The following CSMD1 variants were observed in gnomAD, a reference collection of about 807,000 sequenced individuals.
CSMD1 encodes the protein CUB and sushi domain-containing protein 1.
CSMD1 carries 213 observed loss-of-function variants against 417.5 expected under a neutral mutation model. That is an observed-to-expected ratio of 0.51 (90% CI 0.46 to 0.57). CSMD1 has a LOEUF of 0.57. CSMD1 is among the 20% of genes least tolerant of loss of function. The pLI is 0.00. For synonymous variants in CSMD1, 2,862 were observed against 1,736.8 expected (o/e 1.65, Z -16.11); for missense variants, 6,923 against 4,529.7 (o/e 1.53, Z -15.17).
chr8:3,622,253 T>G (rs1213119971), intron 7 of CSMD1, among the ~76,000 whole-genome samples: 1 of 152,194 alleles, frequency 6.6e-6, no homozygotes, highest in African/African-American at 2.4e-5. Context: ...GCTGGATGTC[T>G]TCTATACTAC....
At chr8:3,637,299 T>C (rs1797098989) in intron 7 of CSMD1, among the ~76,000 whole-genome samples, 3 of 152,188 alleles carry the variant, frequency 2.0e-5, no homozygotes, top group Admixed American at 2.0e-4. Flanking sequence ...CTTGGGGGAG[T>C]TTCATAAACA....
intron 1 of CSMD1, among the ~76,000 whole-genome samples, chr8:4,912,738 T>A (rs1437976930): frequency 1.3e-5 from 2 of 152,170 alleles, no homozygotes; most frequent in African/African-American, 4.8e-5. Flanking sequence ...TTTCTATTAG[T>A]TTGAAATTTT....
At chr8:3,344,334 C>T (rs1471761268) in intron 22 of CSMD1, among the ~76,000 whole-genome samples, 1 of 152,146 alleles carries the variant, frequency 6.6e-6, no homozygotes, top group Non-Finnish European at 1.5e-5. Flanking sequence ...AGGACAAATA[C>T]CTAATGCATG....
chr8:4,169,371 T>A (rs1457396117), intron 3 of CSMD1, among the ~76,000 whole-genome samples: 1 of 152,102 alleles, frequency 6.6e-6, no homozygotes, highest in East Asian at 1.9e-4. Flanking sequence ...CGTTTTCCAC[T>A]TCCTCAGGCC....
intron 3 of CSMD1, among the ~76,000 whole-genome samples, chr8:4,248,167 G>C (rs917346220): frequency 3.9e-5 from 6 of 151,984 alleles, no homozygotes; most frequent in African/African-American, 1.5e-4. Flanking sequence ...AAATTGCTTT[G>C]AAACTTGAAG....
At chr8:4,772,898 A>G (rs1174044798) in intron 1 of CSMD1, among the ~76,000 whole-genome samples, 4 of 152,182 alleles carry the variant, frequency 2.6e-5, no homozygotes, top group African/African-American at 9.7e-5. Context: ...ATGATGAATA[A>G]CGTAAGAAAT....
At chr8:4,377,506 A>T (rs1802832037) in intron 3 of CSMD1, among the ~76,000 whole-genome samples, 1 of 152,216 alleles carries the variant, frequency 6.6e-6, no homozygotes, top group South Asian at 2.1e-4. Context: ...TTCTCCAAAG[A>T]TCACTTTTGG....
At chr8:2,994,142 T>A (rs1196212564) in intron 54 of CSMD1, among the ~76,000 whole-genome samples, 2 of 19,432 alleles carry the variant, frequency 1.0e-4, no homozygotes, top group East Asian at 1.5e-3. Context: ...CAAAACTCCA[T>A]CTCAAAAAAA....
At chr8:3,468,964 C>A (rs759491790) in intron 11 of CSMD1, 140 bp from the exon 12 acceptor site, 7 of 559,894 alleles carry the variant, frequency 1.3e-5, no homozygotes, top group East Asian at 3.0e-5. Context: ...GACTGTACAG[C>A]CTCTGGTCCA....
chr8:4,456,296 A>G lies in CSMD1; in HGVS notation c.303-36231T>C, dbSNP rs139839441. Among the ~76,000 whole-genome samples the G allele has an allele frequency of 2.1e-4, 32 of 152,296 alleles. No homozygotes were observed. The East Asian group carries it at 6.2e-3, about 29-fold the overall frequency. On this transcript the variant is annotated intron_variant, in intron 2 of 69. Transcript: ENST00000635120. ...AAGTGAGATCTAAAAGCTGAAGACA[A>G]TTTGTAATAAAGACAGCAGTAATAA...
At position 2,959,890 on chromosome 8, in the gene CSMD1, C is replaced by T. The variant is rs1004896281; in HGVS notation, c.9702+1251G>A. 2.6e-5 allele frequency among the ~76,000 whole-genome samples: 4 copies of T among 152,278 alleles called. No individual in the cohort carries two copies. The East Asian group carries it at 7.7e-4, about 29-fold the overall frequency. ...CTCCTTAAAACATGGTGTCTGGGCTCTTTAAATTATTAGTAAATCTTGCTG... is the reference window on the plus strand; with the variant it reads ...CTCCTTAAAACATGGTGTCTGGGCTTTTTAAATTATTAGTAAATCTTGCTG... On this transcript the variant is annotated intron_variant, in intron 62 of 69. Transcript: ENST00000635120.
chr8:3,577,604 T>G (rs1800206520), intron 9 of CSMD1, among the ~76,000 whole-genome samples: 3 of 152,218 alleles, frequency 2.0e-5, no homozygotes, highest in African/African-American at 7.2e-5. Context: ...CATTTGATTG[T>G]TTCCTCAATA....
chr8:3,936,639 A>G (rs1425298358), intron 5 of CSMD1, among the ~76,000 whole-genome samples: 1 of 152,162 alleles, frequency 6.6e-6, no homozygotes, highest in Non-Finnish European at 1.5e-5. Flanking sequence ...TCAGAAAAAG[A>G]TTCCTTTCTA....
chr8:4,031,924 G>C lies in CSMD1; in HGVS notation c.591C>G (p.Phe197Leu). The change falls in exon 4 of 70, where the codon TTC becomes TTG. Residue 197 changes from phenylalanine to leucine, a missense_variant. By Grantham distance (22) the Phe-to-Leu change is conservative. Transcript: ENST00000635120. ...VSPGNGASWD[F>L]PAPFCRAEGA... ...CTGTACCTCTGCAAAAGGGAGCTGG[G>C]AAGTCCCACGATGCACCATTTCCTG... 6.2e-7 allele frequency: 1 copy of C among 1,613,604 alleles called. No homozygotes were observed. The highest frequency in any genetic ancestry group is 8.5e-7 in the Non-Finnish European group (1 of 1,179,782).
Position 4,909,154 on chromosome 8 carries a change from C to A in CSMD1, c.85+85178G>T, listed in dbSNP as rs937673826. Among the ~76,000 whole-genome samples the A allele has an allele frequency of 3.3e-5, 5 of 152,100 alleles. No homozygotes were observed. In the East Asian group the frequency reaches 9.7e-4, roughly 29 times the overall value. On this transcript the variant is annotated intron_variant, in intron 1 of 69. Coordinates refer to ENST00000635120, the MANE Select transcript of CSMD1 (RefSeq NM_033225.6). Reference sequence around the variant, plus strand: ...TGATTTTCTTCTCAGAGAGGACTGTCCCTGGCAGGGCCTTCTGCTGTAATC... The same window carrying A: ...TGATTTTCTTCTCAGAGAGGACTGTACCTGGCAGGGCCTTCTGCTGTAATC...
At chr8:4,187,288 C>G (rs897985549) in intron 3 of CSMD1, among the ~76,000 whole-genome samples, 2 of 152,160 alleles carry the variant, frequency 1.3e-5, no homozygotes, top group Non-Finnish European at 2.9e-5. Flanking sequence ...TACTGATGCT[C>G]TTTCAGTCAT....
intron 5 of CSMD1, among the ~76,000 whole-genome samples, chr8:3,905,302 G>GTT (rs1808041430): frequency 6.6e-6 from 1 of 152,116 alleles, no homozygotes; most frequent in Admixed American, 6.5e-5. Context: ...ATAACTTAAA[G>GTT]AAGGTTAGTG....
At chr8:3,668,614 T>A (rs767349801) in intron 7 of CSMD1, among the ~76,000 whole-genome samples, 1 of 151,958 alleles carries the variant, frequency 6.6e-6, no homozygotes, top group Non-Finnish European at 1.5e-5. Flanking sequence ...GACGAAGCCC[T>A]GGGGAGAAGA....
intron 15 of CSMD1, among the ~76,000 whole-genome samples, chr8:3,402,525 A>T (rs1349681987): frequency 6.6e-6 from 1 of 152,326 alleles, no homozygotes; most frequent in East Asian, 1.9e-4. Context: ...CCCGGAGGCC[A>T]TAAAATTTAT....
Sources: allele counts gnomAD v4.1 joint callset (sites outside exome capture counted in the v4.1 genomes callset), GRCh38; gene constraint gnomAD v4.1.1; transcripts MANE v1.5; gene names NCBI Gene and HGNC (gene_info 2026-07-23, HGNC 2026-07-21).